Variants in LAS1L observed in about 807,000 individuals in gnomAD.
LAS1L encodes the protein LAS1 like ribosome biogenesis factor.
A neutral mutation model predicts 57.3 loss-of-function variants in LAS1L; 5 were observed. The observed-to-expected ratio is 0.09, with a 90% CI of 0.05 to 0.18. The LOEUF is 0.18. LAS1L is among the 10% of genes least tolerant of loss of function. LAS1L has a pLI of 1.00. For missense variants in LAS1L, 360 were observed against 568.3 expected (o/e 0.63, Z 3.73); for synonymous variants, 245 against 231.7 (o/e 1.06, Z -0.52).
intron 11 of LAS1L, chrX:65,519,098 C>G (rs1401238817): frequency 8.0e-6 from 2 of 250,428 alleles, no homozygotes; most frequent in Admixed American, 9.3e-5. Flanking sequence ...CACTGCGGGG[C>G]TGAGGGAGAC....
chrX:65,515,658 C>T (rs2068603033), intron 12 of LAS1L, among the ~76,000 whole-genome samples: 1 of 110,394 alleles, frequency 9.1e-6, no homozygotes, highest in Admixed American at 9.7e-5. Context: ...ACCACACATC[C>T]CACCCCTCAC....
intron 13 of LAS1L, among the ~76,000 whole-genome samples, chrX:65,513,810 G>A (rs889583015): frequency 2.7e-5 from 3 of 112,454 alleles, no homozygotes; most frequent in Non-Finnish European, 5.6e-5. Context: ...TACTCAATAA[G>A]CCATCCTTAC....
chrX:65,532,701 T>C, intron 2 of LAS1L, 71 bp from the exon 3 acceptor site: 1 of 748,240 alleles, frequency 1.3e-6, no homozygotes, highest in South Asian at 2.3e-5. Flanking sequence ...GCTGAGTTAC[T>C]GAAACCCTGC....
Position 65,529,898 on chromosome X carries a change from C to T in LAS1L, c.515-20G>A. 8.3e-7 allele frequency: 1 copy of T among 1,202,168 alleles called. No individual in the cohort carries two copies. The highest frequency in any genetic ancestry group is 1.8e-5 in the South Asian group (1 of 56,115). Reference sequence around the variant, plus strand: ...AGCAGCCTAGAGGGGGGAAGGCAGGCAGTGCCACAGGATCAGGCAGGCAGC... The same window carrying T: ...AGCAGCCTAGAGGGGGGAAGGCAGGTAGTGCCACAGGATCAGGCAGGCAGC... On this transcript the variant is annotated intron_variant, in intron 4 of 13. Coordinates refer to ENST00000374811, the MANE Select transcript of LAS1L (RefSeq NM_031206.7).
At position 65,517,614 on chromosome X, in the gene LAS1L, G is replaced by GCA. The variant is rs1016532050; in HGVS notation, c.1927+371_1927+372dup. On this transcript the variant is annotated intron_variant, in intron 12 of 13. Transcript: ENST00000374811. The stretch of plus-strand genomic sequence containing the variant: ...TGTCTCACCACCAGCCAGCCTCAAG[G>GCA]CACACACACACATACACAGAAAGCA... Among the ~76,000 whole-genome samples, 3 of 111,238 alleles carry GCA rather than the reference G, an allele frequency of 2.7e-5. No individual in the cohort carries two copies. The Admixed American group carries it at 2.9e-4, about 11-fold the overall frequency.
intron 12 of LAS1L, 63 bp from the exon 13 acceptor site, chrX:65,515,036 G>A (rs1354446761): frequency 5.5e-6 from 6 of 1,093,414 alleles, no homozygotes; most frequent in Non-Finnish European, 7.4e-6. Context: ...TGGTGCACAG[G>A]CCTGCTCACC....
intron 1 of LAS1L, 72 bp from the exon 2 acceptor site, chrX:65,533,807 T>G (rs2069631228): frequency 6.4e-6 from 7 of 1,096,610 alleles, no homozygotes; most frequent in Non-Finnish European, 7.5e-6. Context: ...AGAACCTAGG[T>G]TGTTGCAGGC....
rs949811377 is a variant in LAS1L at position 65,532,588 on chromosome X, C to T, written c.405G>A (p.Lys135=). The change falls in exon 3 of 14, where the codon AAG becomes AAA. Residue 135 remains lysine, a synonymous_variant. Coordinates refer to ENST00000374811, the MANE Select transcript of LAS1L (RefSeq NM_031206.7). ...CTTGAGCCAGACACTTGAGGGGGAC[C>T]TTGGCAAACTTTGTCTTCCTCTCTG... ...LISERKTKFA[K]VPLKCLAQEV... 1 of 1,209,216 alleles carries T rather than the reference C, an allele frequency of 8.3e-7. No individual in the cohort carries two copies. The highest frequency in any genetic ancestry group is 2.2e-5 in the Admixed American group (1 of 46,077).
rs1408045115 is a variant in LAS1L, at chrX:65,534,618, G to T, written c.98C>A (p.Ser33Ter). ...WYGKCVKGKG[S>*]LPLSAHGIVV... is the part of the protein sequence containing the mutation. ...GATGCCGTGGGCCGAGAGTGGCAAC[G>T]ACCCTTTCCCTTTAACGCACTTTCC... The change falls in exon 1 of 14, where the codon TCG (serine) becomes TAG (stop). Residue 33 changes from serine to a stop codon, truncating the protein, a stop_gained. Transcript: ENST00000374811. LOFTEE classifies it high-confidence loss of function. 1 of 1,200,788 alleles carries T rather than the reference G, an allele frequency of 8.3e-7. No homozygotes were observed. Among genetic ancestry groups the T allele is most frequent in the African/African-American group, 1.7e-5 (1 of 57,452 alleles).
chrX:65,518,022 C>G lies in LAS1L; in HGVS notation c.1892G>C (p.Gly631Ala), dbSNP rs371394378. ...CTGCCATGCAGAGCCCTGCAAAGCT[C>G]CTCTTTTCTGGGCCAGAAGCCTAGC... ...ENARLLAQKR[G>A]ALQGSAWQVS... Residue 631 changes from glycine to alanine, a missense_variant, in exon 12 of 14, where the codon GGA becomes GCA. Gly to Ala is a moderately conservative substitution (Grantham distance 60, BLOSUM62 0). Around this residue, in one of 7 missense-constraint regions of LAS1L, gnomAD observed 123 missense variants for 168.3 expected, o/e 0.73. Transcript: ENST00000374811. The G allele has an allele frequency of 4.9e-5, 59 of 1,208,726 alleles. 1 individual carries two copies. The highest frequency in any genetic ancestry group is 6.3e-5 in the Non-Finnish European group (56 of 894,452).
intron 12 of LAS1L, among the ~76,000 whole-genome samples, chrX:65,515,411 C>A (rs1194210518): frequency 9.0e-6 from 1 of 110,553 alleles, no homozygotes; most frequent in Non-Finnish European, 1.9e-5. Flanking sequence ...GCACCTCCCC[C>A]TCAAACCCCA....
At chrX:65,527,170 G>A (rs1569440521) in intron 7 of LAS1L, among the ~76,000 whole-genome samples, 1 of 84,516 alleles carries the variant, frequency 1.2e-5, no homozygotes, top group Non-Finnish European at 2.2e-5. Flanking sequence ...CCAAGATCGT[G>A]CCACTGCACT....
chrX:65,528,137 C>G lies in LAS1L; in HGVS notation c.956+123G>C, dbSNP rs982659721. On this transcript the variant is annotated intron_variant, in intron 7 of 13. Coordinates refer to ENST00000374811, the MANE Select transcript of LAS1L (RefSeq NM_031206.7). ...AATGTAGGGTCACTGTGGAGGGGAT[C>G]AGGATTATCCCTGGGATTTTGTACA... is the stretch of plus-strand genomic sequence containing the variant. 1.7e-5 allele frequency: 8 copies of G among 471,840 alleles called. No individual in the cohort carries two copies. In the Admixed American group the frequency reaches 2.7e-4, roughly 16 times the overall value. 38.9% of individuals were successfully genotyped at this position (471,840 alleles called of 1,213,427 possible).
At chrX:65,523,452 G>A (rs1442197792) in intron 11 of LAS1L, 108 bp downstream of exon 11, 3 of 845,723 alleles carry the variant, frequency 3.5e-6, no homozygotes, top group Non-Finnish European at 4.8e-6. Flanking sequence ...AGTGAGACTG[G>A]GCTAGACTGT....
At chrX:65,521,380 G>T in intron 11 of LAS1L, 1 of 526,671 alleles carries the variant, frequency 1.9e-6, no homozygotes, top group Non-Finnish European at 2.3e-6. Context: ...GCTAGGGCAC[G>T]GACAGCTGAT....
Position 65,518,103 on chromosome X carries a change from T to C in LAS1L, c.1811A>G (p.Asp604Gly), listed in dbSNP as rs1201985040. ...AGAGAAAGGCCCCACCTCCATTCTG[T>C]CTTCCTCTTCATCATCTTCATCATC... ...DEDDEDDEEEDRMEVGPFSTG... is the reference protein window; with the variant it reads ...DEDDEDDEEEGRMEVGPFSTG... Residue 604 changes from aspartate (D) to glycine (G), a missense_variant, in exon 12 of 14, where the codon GAC (aspartate) becomes GGC (glycine). Coordinates refer to ENST00000374811, the MANE Select transcript of LAS1L (RefSeq NM_031206.7). 2 of 1,204,763 alleles carry C rather than the reference T, an allele frequency of 1.7e-6. No individual in the cohort carries two copies. Among genetic ancestry groups the C allele is most frequent in the African/African-American group, 3.5e-5 (2 of 57,070 alleles).
At chrX:65,524,459 G>T (rs1329889067) in intron 9 of LAS1L, 105 bp downstream of exon 9, 2 of 499,284 alleles carry the variant, frequency 4.0e-6, no homozygotes, top group Non-Finnish European at 7.3e-6. Context: ...GCAGAACAGT[G>T]GGGAGAGAGA....
chrX:65,515,162 T>C (rs2068584550), intron 12 of LAS1L, among the ~76,000 whole-genome samples, 189 bp from the exon 13 acceptor site: 1 of 111,486 alleles, frequency 9.0e-6, no homozygotes, highest in African/African-American at 3.3e-5. Flanking sequence ...CACCACACAT[T>C]CTTTATGGTC....
chrX:65,512,762 C>G lies in LAS1L; in HGVS notation c.*13G>C. 8.6e-7 allele frequency: 1 copy of G among 1,163,929 alleles called. No individual in the cohort carries two copies. The highest frequency in any genetic ancestry group is 1.8e-5 in the African/African-American group (1 of 56,273). On this transcript the variant is annotated 3_prime_UTR_variant, in exon 14 of 14. Coordinates refer to ENST00000374811, the MANE Select transcript of LAS1L (RefSeq NM_031206.7). Reference sequence around the variant, plus strand: ...TGGCACGGCTGGATGAACACTTGCACCAGGGATGGCCATCAGAAGAGCTGC... The same window carrying G: ...TGGCACGGCTGGATGAACACTTGCAGCAGGGATGGCCATCAGAAGAGCTGC...
Sources: gnomAD v4.1 joint callset for allele counts (sites outside exome capture counted in the v4.1 genomes callset) on GRCh38, gnomAD v4.1.1 for gene constraint, gnomAD v4.1.1 regional missense constraint, MANE v1.5 for transcripts, NCBI Gene and HGNC (gene_info 2026-07-23, HGNC 2026-07-21) for gene names.